SORCS3: variants seen among roughly 807,000 people sequenced by gnomAD.
The protein encoded by SORCS3 is sortilin related VPS10 domain containing receptor 3.
In SORCS3, 57 loss-of-function variants were observed where a neutral mutation model predicts 146.3. The ratio of observed to expected loss-of-function variants is 0.39; its 90% confidence interval spans 0.31 to 0.49. The LOEUF (loss-of-function observed/expected upper bound fraction) is 0.49, where lower values mean the gene tolerates loss of function less well. SORCS3 is among the 20% of genes least tolerant of loss of function. The pLI, the probability that SORCS3 is intolerant of heterozygous loss-of-function variation, is 0.92. For missense variants in SORCS3, 1,341 were observed against 1,575.5 expected (o/e 0.85, Z 2.52); for synonymous variants, 653 against 618.5 (o/e 1.06, Z -0.83).
chr10:104,656,694 A>G (rs541046350), intron 1 of SORCS3, among the ~76,000 whole-genome samples: 2 of 152,242 alleles, frequency 1.3e-5, no homozygotes, highest in East Asian at 3.9e-4. Flanking sequence ...AAAAAAAGTA[A>G]AGAGGTGAGC....
intron 3 of SORCS3, among the ~76,000 whole-genome samples, chr10:104,971,449 G>A (rs537428163): frequency 6.6e-6 from 1 of 152,334 alleles, no homozygotes; most frequent in South Asian, 2.1e-4. Context: ...AGTCAAGGAT[G>A]CATCTTGGGC....
At chr10:105,201,081 T>C in intron 15 of SORCS3, 39 bp from the exon 16 acceptor site, 1 of 1,599,520 alleles carries the variant, frequency 6.3e-7, no homozygotes, top group East Asian at 2.2e-5. Flanking sequence ...ACCACCTTTT[T>C]GTTTTTCTGT....
intron 6 of SORCS3, among the ~76,000 whole-genome samples, chr10:105,099,410 A>G (rs2055767965): frequency 6.6e-6 from 1 of 152,184 alleles, no homozygotes; most frequent in African/African-American, 2.4e-5. Flanking sequence ...TGAGATGACA[A>G]GAGGCTTGAT....
At chr10:104,814,054 C>T (rs184426619) in intron 1 of SORCS3, among the ~76,000 whole-genome samples, 195 of 150,942 alleles carry the variant, frequency 1.3e-3, no homozygotes, top group Non-Finnish European at 2.1e-3. Flanking sequence ...GTTCTCTCAT[C>T]TCTTAATCAT....
At position 104,701,071 on chromosome 10, in the gene SORCS3, C is replaced by A. The variant is rs140753375; in HGVS notation, c.627+59117C>A. Among the ~76,000 whole-genome samples, 927 of 152,304 alleles carry A rather than the reference C, an allele frequency of 6.1e-3. 5 individuals carry two copies. The highest frequency in any genetic ancestry group is 0.021 in the African/African-American group (864 of 41,562). Reference sequence around the variant, plus strand: ...CCATCTTGCATTTGCTGTACTTGGACTAAGGCTCTTGTAGGAGATAAAATC... The same window carrying A: ...CCATCTTGCATTTGCTGTACTTGGAATAAGGCTCTTGTAGGAGATAAAATC... On this transcript the variant is annotated intron_variant, in intron 1 of 26. Transcript: ENST00000369701.
chr10:104,746,182 G>A (rs2016907129), intron 1 of SORCS3, among the ~76,000 whole-genome samples: 1 of 150,570 alleles, frequency 6.6e-6, no homozygotes, highest in African/African-American at 2.4e-5. Flanking sequence ...TGTCACCCAG[G>A]TTGGAGTGCA....
At chr10:105,063,334 C>A (rs542707726) in intron 5 of SORCS3, among the ~76,000 whole-genome samples, 1 of 152,284 alleles carries the variant, frequency 6.6e-6, no homozygotes, top group Admixed American at 6.5e-5. Context: ...AGTTAAAACA[C>A]TCTCATTTTA....
chr10:104,940,238 A>ATAT (rs1435205868), intron 3 of SORCS3, among the ~76,000 whole-genome samples: 3 of 31,520 alleles, frequency 9.5e-5, no homozygotes, highest in Non-Finnish European at 1.8e-4. Flanking sequence ...ATATATATAT[A>ATAT]TTTTTTTTTT....
chr10:104,724,362 C>T (rs901371298), intron 1 of SORCS3, among the ~76,000 whole-genome samples: 5 of 152,160 alleles, frequency 3.3e-5, no homozygotes, highest in African/African-American at 1.2e-4. Flanking sequence ...GTCTGATGGG[C>T]TTTCCTTTGT....
At chr10:104,948,059 G>A (rs1213863197) in intron 3 of SORCS3, among the ~76,000 whole-genome samples, 1 of 152,208 alleles carries the variant, frequency 6.6e-6, no homozygotes, top group African/African-American at 2.4e-5. Context: ...GCTAAGAGTC[G>A]TTTTGGGATT....
At chr10:104,904,055 T>C (rs1181366152) in intron 2 of SORCS3, among the ~76,000 whole-genome samples, 2 of 152,250 alleles carry the variant, frequency 1.3e-5, no homozygotes, top group African/African-American at 4.8e-5. Flanking sequence ...TGTTGTAATA[T>C]GTATTGCTAG....
intron 2 of SORCS3, among the ~76,000 whole-genome samples, chr10:104,861,448 C>G (rs1025015875): frequency 6.6e-6 from 1 of 152,272 alleles, no homozygotes. Context: ...GTGATGACTC[C>G]CTTAAGCACA....
intron 2 of SORCS3, among the ~76,000 whole-genome samples, chr10:104,897,627 C>T (rs910447192): frequency 6.6e-6 from 1 of 152,208 alleles, no homozygotes; most frequent in South Asian, 2.1e-4. Flanking sequence ...CCCTGACTTT[C>T]TCATACATTT....
intron 4 of SORCS3, among the ~76,000 whole-genome samples, chr10:104,981,849 G>A (rs547450556): frequency 7.9e-5 from 12 of 152,170 alleles, no homozygotes; most frequent in East Asian, 7.7e-4. Context: ...CTCTAATACC[G>A]TTTATATTCT....
intron 1 of SORCS3, among the ~76,000 whole-genome samples, chr10:104,735,456 G>GTTTTTGTTTTTTTTT (rs2016757562): frequency 2.9e-5 from 1 of 34,994 alleles, no homozygotes; most frequent in Non-Finnish European, 4.8e-5. Context: ...CTCACCGTCT[G>GTTTTTGTTTTTTTTT]TTTTTTTTTT....
At chr10:105,093,964 C>A (rs2055728293) in intron 6 of SORCS3, among the ~76,000 whole-genome samples, 2 of 152,170 alleles carry the variant, frequency 1.3e-5, no homozygotes, top group African/African-American at 4.8e-5. Flanking sequence ...TAATAATCAC[C>A]AAAAACTGGA....
At position 105,058,325 on chromosome 10, in the gene SORCS3, T is replaced by C. The variant is rs2055459852; in HGVS notation, c.1028+15197T>C. Among the ~76,000 whole-genome samples, 3 of 152,210 alleles carry C rather than the reference T, an allele frequency of 2.0e-5. No individual in the cohort carries two copies. In the South Asian group the frequency reaches 6.2e-4, roughly 32 times the overall value. ...GATGGCCTTGCGCTTCTCCAAGTGATACTGGGAATGAGAGGTCTGAGATCC... is the reference window on the plus strand; with the variant it reads ...GATGGCCTTGCGCTTCTCCAAGTGACACTGGGAATGAGAGGTCTGAGATCC... On this transcript the variant is annotated intron_variant, in intron 5 of 26. Coordinates refer to ENST00000369701, the MANE Select transcript of SORCS3 (RefSeq NM_014978.3).
intron 1 of SORCS3, among the ~76,000 whole-genome samples, chr10:104,668,886 G>T (rs2015816878): frequency 6.6e-6 from 1 of 152,210 alleles, no homozygotes; most frequent in African/African-American, 2.4e-5. Flanking sequence ...TTTTCCCCAA[G>T]TGCGATTCTG....
intron 1 of SORCS3, among the ~76,000 whole-genome samples, chr10:104,825,868 C>T (rs2017929442): frequency 6.6e-6 from 1 of 152,218 alleles, no homozygotes; most frequent in Middle Eastern, 3.4e-3. Context: ...CCAGAACAAC[C>T]CCCCACTATT....
Sources: gnomAD v4.1 joint callset for allele counts (sites outside exome capture counted in the v4.1 genomes callset) on GRCh38, gnomAD v4.1.1 for gene constraint, MANE v1.5 for transcripts, NCBI Gene and HGNC (gene_info 2026-07-23, HGNC 2026-07-21) for gene names.